RXRA: variants seen among roughly 807,000 people sequenced by gnomAD.
The protein encoded by RXRA is retinoic acid receptor RXR-alpha.
In RXRA, 5 loss-of-function variants were observed where a neutral mutation model predicts 44.5. The observed-to-expected ratio is 0.11, with a 90% CI of 0.06 to 0.24. The LOEUF is 0.24. RXRA is among the 10% of genes least tolerant of loss of function. The pLI, the probability that RXRA is intolerant of heterozygous loss-of-function variation, is 1.00. For missense variants in RXRA, 412 were observed against 646.5 expected (o/e 0.64, Z 3.93); for synonymous variants, 291 against 271.4 (o/e 1.07, Z -0.71).
rs375913776 is a variant in RXRA, at chr9:134,343,532, A to AG, written c.28+16877dup. On this transcript the variant is annotated intron_variant, in intron 1 of 9. Coordinates refer to ENST00000481739, the MANE Select transcript of RXRA (RefSeq NM_002957.6). This position sits in a 1 kb window ranked among gnomAD's most constrained non-coding sequence, Gnocchi z 4.1. The stretch of plus-strand genomic sequence containing the variant: ...GCATTTTTTTGGGAGGAGTGGTTGC[A>AG]GGGGCAGCTAGTTCTGGAACCATCC... Among the ~76,000 whole-genome samples, 14 of 152,204 alleles carry AG rather than the reference A, an allele frequency of 9.2e-5. No individual in the cohort carries two copies. Among genetic ancestry groups the AG allele is most frequent in the African/African-American group, 2.9e-4 (12 of 41,522 alleles).
intron 1 of RXRA, among the ~76,000 whole-genome samples, chr9:134,394,555 G>C (rs1011643763): frequency 6.6e-6 from 1 of 152,228 alleles, no homozygotes; most frequent in South Asian, 2.1e-4. Flanking sequence ...GGAGGTCTCT[G>C]GGGGAGGCCC....
intron 1 of RXRA, among the ~76,000 whole-genome samples, chr9:134,381,426 A>C (rs1377924399): frequency 2.0e-5 from 3 of 152,030 alleles, no homozygotes; most frequent in African/African-American, 7.2e-5. Context: ...TGGATCTTCT[A>C]ACTGTCTGAG....
intron 1 of RXRA, among the ~76,000 whole-genome samples, chr9:134,354,152 C>T (rs1015619986): frequency 1.3e-5 from 2 of 152,180 alleles, no homozygotes; most frequent in Non-Finnish European, 2.9e-5. Flanking sequence ...GCCTGGGTCC[C>T]AGCAGGCACC....
chr9:134,359,833 G>A (rs1421973790), intron 1 of RXRA, among the ~76,000 whole-genome samples: 1 of 152,180 alleles, frequency 6.6e-6, no homozygotes, highest in Non-Finnish European at 1.5e-5. Context: ...GTCCCAGCCC[G>A]TTTCCCCCAG....
intron 2 of RXRA, chr9:134,403,124 C>G (rs1477531237): frequency 1.3e-5 from 2 of 152,376 alleles, no homozygotes; most frequent in African/African-American, 4.8e-5. Flanking sequence ...CAGGACTGCT[C>G]CTGACCTAGG....
chr9:134,438,149 TG>T lies in RXRA; in HGVS notation c.*1542del, dbSNP rs1564302582. On this transcript the variant is annotated 3_prime_UTR_variant, in exon 10 of 10. Coordinates refer to ENST00000481739, the MANE Select transcript of RXRA (RefSeq NM_002957.6). ...GGCAGGTGCCTGAACAGAGGGTGGA[TG>T]GGGGGGATACCGGAGGGGGTCTTGT... 5 of 152,564 alleles carry T rather than the reference TG, an allele frequency of 3.3e-5. No homozygotes were observed. The highest frequency in any genetic ancestry group is 4.4e-5 in the Non-Finnish European group (3 of 68,406). The allele number at this position is 152,564 out of a possible 1,614,324, so 9.5% of individuals were successfully genotyped here.
intron 2 of RXRA, 92 bp from the exon 3 acceptor site, chr9:134,408,057 G>C: frequency 2.1e-6 from 2 of 972,820 alleles, no homozygotes; most frequent in Non-Finnish European, 1.5e-6. Flanking sequence ...GAAGTTGGGG[G>C]TACAGCTGCG....
chr9:134,393,707 G>T (rs1225014731), intron 1 of RXRA, among the ~76,000 whole-genome samples: 1 of 152,224 alleles, frequency 6.6e-6, no homozygotes, highest in East Asian at 1.9e-4. Context: ...CAGTTAGTGA[G>T]TGTCTTCACC....
chr9:134,423,540 C>G (rs967548135), intron 6 of RXRA: 1 of 985,350 alleles, frequency 1.0e-6, no homozygotes. Flanking sequence ...CGTCGCCACC[C>G]TCCTGGAAGG....
At chr9:134,363,875 C>A (rs979225942) in intron 1 of RXRA, among the ~76,000 whole-genome samples, 6 of 152,210 alleles carry the variant, frequency 3.9e-5, no homozygotes, top group Non-Finnish European at 8.8e-5. Context: ...ATGTCACCAT[C>A]TCCCCCGGGT....
At position 134,401,717 on chromosome 9, in the gene RXRA, G is replaced by A; in HGVS notation, c.114G>A (p.Gly38=). The A allele has an allele frequency of 1.2e-6, 2 of 1,613,168 alleles. No individual in the cohort carries two copies. Among genetic ancestry groups the A allele is most frequent in the African/African-American group, 1.3e-5 (1 of 75,040 alleles). The part of the protein sequence containing the change: ...MAAPSLHPSL[G]PGIGSPGQLH... Reference sequence around the variant, plus strand: ...CCCCCTCGCTGCACCCGTCCCTGGGGCCTGGCATCGGCTCCCCGGGACAGC... The same window carrying A: ...CCCCCTCGCTGCACCCGTCCCTGGGACCTGGCATCGGCTCCCCGGGACAGC... Residue 38 remains glycine (G), a synonymous_variant, in exon 2 of 10, where the codon GGG becomes GGA. Coordinates refer to ENST00000481739, the MANE Select transcript of RXRA (RefSeq NM_002957.6).
chr9:134,395,359 G>A (rs1564283906), intron 1 of RXRA, among the ~76,000 whole-genome samples: 1 of 152,268 alleles, frequency 6.6e-6, no homozygotes, highest in Non-Finnish European at 1.5e-5. Flanking sequence ...GCCATGGGGG[G>A]CTGATCATGG....
rs1428100539 is a variant in RXRA, at chr9:134,433,036, T to G, written c.1135+1040T>G. ...GCTGCTGTGGGGAGCTCACTTGGGC[T>G]ATGGTGGAGGGAGTGGAGCCCTCTC... is the stretch of plus-strand genomic sequence containing the variant. On this transcript the variant is annotated intron_variant, in intron 8 of 9. Coordinates refer to ENST00000481739, the MANE Select transcript of RXRA (RefSeq NM_002957.6). This position sits in a 1 kb window ranked among gnomAD's most constrained non-coding sequence, Gnocchi z 4.2. Among the ~76,000 whole-genome samples, 1 of 152,030 alleles carries G rather than the reference T, an allele frequency of 6.6e-6. No individual in the cohort carries two copies. Among genetic ancestry groups the G allele is most frequent in the Non-Finnish European group, 1.5e-5 (1 of 67,994 alleles).
intron 1 of RXRA, among the ~76,000 whole-genome samples, chr9:134,330,589 G>A (rs1327187670): frequency 1.3e-5 from 2 of 152,182 alleles, no homozygotes; most frequent in African/African-American, 2.4e-5. Flanking sequence ...ATAGGGTGCA[G>A]CTCTGTCTTT....
chr9:134,354,285 A>G (rs1048246483), intron 1 of RXRA, among the ~76,000 whole-genome samples: 4 of 152,126 alleles, frequency 2.6e-5, no homozygotes, highest in African/African-American at 7.2e-5. Context: ...TCTCCCTTCT[A>G]CCGGGAGCTT....
At position 134,416,538 on chromosome 9, in the gene RXRA, C is replaced by G. The variant is rs569656473; in HGVS notation, c.611-620C>G. Among the ~76,000 whole-genome samples the G allele has an allele frequency of 2.6e-5, 4 of 152,116 alleles. No homozygotes were observed. In the South Asian group the frequency reaches 8.3e-4, roughly 32 times the overall value. Reference sequence around the variant, plus strand: ...CGTCTCTGTGTGGCCAGGGTGGGGCCGGGCGCCTGCCCTCCATTTCTGGCA... The same window carrying G: ...CGTCTCTGTGTGGCCAGGGTGGGGCGGGGCGCCTGCCCTCCATTTCTGGCA... On this transcript the variant is annotated intron_variant, in intron 4 of 9. Coordinates refer to ENST00000481739, the MANE Select transcript of RXRA (RefSeq NM_002957.6).
chr9:134,357,993 C>T (rs1028867096), intron 1 of RXRA, among the ~76,000 whole-genome samples: 8 of 152,142 alleles, frequency 5.3e-5, no homozygotes, highest in Non-Finnish European at 8.8e-5. Flanking sequence ...CCACAGAACA[C>T]GGGGACATGG....
chr9:134,370,208 G>A (rs1830474265), intron 1 of RXRA, among the ~76,000 whole-genome samples: 1 of 152,208 alleles, frequency 6.6e-6, no homozygotes, highest in Non-Finnish European at 1.5e-5. Context: ...GCCCTGTGGG[G>A]TGGTGTCCAT....
At chr9:134,400,290 G>A (rs1830939061) in intron 1 of RXRA, among the ~76,000 whole-genome samples, 1 of 152,218 alleles carries the variant, frequency 6.6e-6, no homozygotes, top group Non-Finnish European at 1.5e-5. Context: ...GCTTGGGGAG[G>A]TGAAGTCTTC....
Sources: gnomAD v4.1 joint callset for allele counts (sites outside exome capture counted in the v4.1 genomes callset) on GRCh38, gnomAD v4.1.1 for gene constraint, Gnocchi (gnomAD v3.1) non-coding constraint, MANE v1.5 for transcripts, NCBI Gene and HGNC (gene_info 2026-07-23, HGNC 2026-07-21) for gene names.